Variants in GRIP1 observed in about 807,000 individuals in gnomAD.
GRIP1 encodes the protein glutamate receptor interacting protein 1, also known as glutamate receptor-interacting protein 1.
Under a neutral mutation model 129.9 loss-of-function variants are expected in GRIP1, and 45 were observed. The ratio of observed to expected loss-of-function variants is 0.35; its 90% confidence interval spans 0.27 to 0.44. GRIP1 has a LOEUF of 0.44. Ranked by LOEUF, GRIP1 falls within the 20% of genes least tolerant of loss-of-function variation. GRIP1 has a pLI of 1.00. For synonymous variants in GRIP1, 530 were observed against 520.8 expected, an observed-to-expected ratio of 1.02 and a Z score of -0.24; for missense variants, 1,196 against 1,396.8, an observed-to-expected ratio of 0.86 and a Z score of 2.29.
At chr12:66,464,159 G>T (rs545099603) in intron 8 of GRIP1, among the ~76,000 whole-genome samples, 1 of 152,148 alleles carries the variant, frequency 6.6e-6, no homozygotes, top group Admixed American at 6.5e-5. Flanking sequence ...AATAGTCTAC[G>T]TCTCAAGACA....
intron 2 of GRIP1, among the ~76,000 whole-genome samples, chr12:66,579,410 G>A (rs1289342318): frequency 6.6e-6 from 1 of 152,228 alleles, no homozygotes; most frequent in Non-Finnish European, 1.5e-5. Flanking sequence ...GCTGGACGGA[G>A]AATGACTTTG....
chr12:66,677,616 T>A (rs556614900), intron 1 of GRIP1, among the ~76,000 whole-genome samples: 1 of 152,168 alleles, frequency 6.6e-6, no homozygotes, highest in African/African-American at 2.4e-5. Context: ...AAATGTATAA[T>A]CTTCCCTACA....
chr12:66,370,987 G>T (rs553982580), intron 23 of GRIP1, among the ~76,000 whole-genome samples: 5 of 152,072 alleles, frequency 3.3e-5, no homozygotes, highest in South Asian at 2.1e-4. Flanking sequence ...TGTAATGAAA[G>T]ATTAAGCCTC....
intron 1 of GRIP1, among the ~76,000 whole-genome samples, chr12:66,900,828 C>T (rs2040832912): frequency 6.6e-6 from 1 of 152,138 alleles, no homozygotes; most frequent in Admixed American, 6.5e-5. Context: ...ACATTGCCAA[C>T]TGGAAAAACA....
intron 14 of GRIP1, among the ~76,000 whole-genome samples, chr12:66,423,488 T>C (rs893753157): frequency 1.3e-5 from 2 of 152,234 alleles, no homozygotes; most frequent in Non-Finnish European, 1.5e-5. Flanking sequence ...GCCTCACCCA[T>C]GAAAGCTTCT....
chr12:66,507,737 T>C (rs1592451522), intron 7 of GRIP1, among the ~76,000 whole-genome samples: 2 of 151,914 alleles, frequency 1.3e-5, no homozygotes, highest in African/African-American at 2.4e-5. Flanking sequence ...GGCAAAGATA[T>C]AATACCATAG....
chr12:66,644,600 A>G (rs73325193), intron 1 of GRIP1, among the ~76,000 whole-genome samples: 3,345 of 152,320 alleles, frequency 0.022, 152 homozygotes, highest in African/African-American at 0.077. Flanking sequence ...AGATACTCAT[A>G]CACCACTTTC....
chr12:66,905,381 G>A (rs1281907233), intron 1 of GRIP1, among the ~76,000 whole-genome samples: 1 of 139,878 alleles, frequency 7.1e-6, no homozygotes, highest in African/African-American at 2.5e-5. Context: ...GATGATAGAT[G>A]CCATTGGAAT....
chr12:66,602,297 T>C (rs923298186), intron 1 of GRIP1, among the ~76,000 whole-genome samples: 3 of 152,204 alleles, frequency 2.0e-5, no homozygotes, highest in Non-Finnish European at 2.9e-5. Flanking sequence ...TTAAGCAAGA[T>C]TTCCTGAAGG....
intron 1 of GRIP1, among the ~76,000 whole-genome samples, chr12:67,051,785 T>C (rs2135852418): frequency 6.6e-6 from 1 of 152,344 alleles, no homozygotes; most frequent in Non-Finnish European, 1.5e-5. Flanking sequence ...GCTTTGCTGT[T>C]TTTTGTTTGT....
intron 2 of GRIP1, among the ~76,000 whole-genome samples, chr12:66,594,627 G>A (rs1236551260): frequency 6.6e-6 from 1 of 152,080 alleles, no homozygotes; most frequent in East Asian, 1.9e-4. Context: ...GCTCTATATG[G>A]TCCAGCTTAG....
intron 1 of GRIP1, among the ~76,000 whole-genome samples, chr12:66,615,469 T>C (rs1435313908): frequency 1.3e-5 from 2 of 152,076 alleles, no homozygotes; most frequent in Non-Finnish European, 2.9e-5. Flanking sequence ...TCGTATATTA[T>C]ACCTGGGTGG....
At chr12:66,587,345 A>C (rs6581705) in intron 2 of GRIP1, among the ~76,000 whole-genome samples, 137,263 of 152,314 alleles carry the variant, frequency 0.9, 62,137 homozygotes, top group African/African-American at 0.97. Flanking sequence ...CTTTGGAGGC[A>C]ATGGAGGCCT....
At chr12:66,596,707 G>A (rs1048478746) in intron 2 of GRIP1, 140 bp downstream of exon 2, 5 of 674,082 alleles carry the variant, frequency 7.4e-6, no homozygotes, top group Admixed American at 4.5e-5. Context: ...AACAAGTGTT[G>A]TAGAATTCAG....
chr12:66,679,187 C>T, upstream of GRIP1: 1 of 1,301,872 alleles, frequency 7.7e-7, no homozygotes, highest in Non-Finnish European at 1.0e-6. Context: ...CAACAAAGCA[C>T]CAAATTGTAC....
chr12:66,853,756 C>T (rs370634621), intron 1 of GRIP1, among the ~76,000 whole-genome samples: 18 of 152,112 alleles, frequency 1.2e-4, no homozygotes, highest in South Asian at 2.1e-4. Flanking sequence ...CAAATTAATA[C>T]GAGTAAACAC....
intron 1 of GRIP1, among the ~76,000 whole-genome samples, chr12:66,860,616 C>T (rs1452982608): frequency 6.6e-6 from 1 of 151,994 alleles, no homozygotes; most frequent in African/African-American, 2.4e-5. Context: ...ACCACATCTG[C>T]AACACAAGCC....
chr12:66,541,986 G>C lies in GRIP1; in HGVS notation c.137-36C>G, dbSNP rs74363786. 6.9e-3 allele frequency: 11,011 copies of C among 1,600,120 alleles called. 321 individuals are homozygous for C. The East Asian group carries it at 0.088, about 13-fold the overall frequency. ...AAAAGCATTTGCCTTATTAAAATGAGAGTAGAATCACCAATGTCATTTCTC... is the reference window on the plus strand; with the variant it reads ...AAAAGCATTTGCCTTATTAAAATGACAGTAGAATCACCAATGTCATTTCTC... On this transcript the variant is annotated intron_variant, in intron 2 of 24. Coordinates refer to ENST00000359742, the MANE Select transcript of GRIP1 (RefSeq NM_001366722.1).
At chr12:66,577,933 G>A (rs768261131) in intron 2 of GRIP1, among the ~76,000 whole-genome samples, 2 of 152,128 alleles carry the variant, frequency 1.3e-5, no homozygotes, top group Non-Finnish European at 2.9e-5. Flanking sequence ...CAGCCTGGCT[G>A]ACAGAGCAAG....
Sources: allele counts gnomAD v4.1 joint callset (sites outside exome capture counted in the v4.1 genomes callset), GRCh38; gene constraint gnomAD v4.1.1; transcripts MANE v1.5; gene names NCBI Gene and HGNC (gene_info 2026-07-23, HGNC 2026-07-21).